Variants in BAZ1B observed in about 807,000 individuals in gnomAD.
The protein encoded by BAZ1B is bromodomain adjacent to zinc finger domain 1B.
In BAZ1B, 22 loss-of-function variants were observed where a neutral mutation model predicts 153.8. That is an observed-to-expected ratio of 0.14 (90% CI 0.10 to 0.20). The LOEUF (loss-of-function observed/expected upper bound fraction) is 0.20, where lower values mean the gene tolerates loss of function less well. Ranked by LOEUF, BAZ1B falls within the 10% of genes least tolerant of loss-of-function variation. The pLI is 1.00. For synonymous variants in BAZ1B, 676 were observed against 633.4 expected, an observed-to-expected ratio of 1.07 and a Z score of -1.01; for missense variants, 1,325 against 1,799.3, an observed-to-expected ratio of 0.74 and a Z score of 4.77.
chr7:73,470,605 T>C (rs530582043), intron 7 of BAZ1B, 122 bp from the exon 8 acceptor site: 1 of 1,159,366 alleles, frequency 8.6e-7, no homozygotes, highest in South Asian at 1.6e-5. Flanking sequence ...TAGTTTGCTT[T>C]CTCTAATTCT....
chr7:73,442,310 G>C lies in BAZ1B; in HGVS notation c.4338C>G (p.Gly1446=). ...LVALLHKHLP[G]HPYVRRKRKK... is the part of the protein sequence containing the mutation. ...TGCGCTTCCTGCGGACATATGGGTG[G>C]CCAGGAAGGTGTTTATGCAACAGAG... The change falls in exon 19 of 20, where the codon GGC becomes GGG. Residue 1446 remains glycine, a synonymous_variant. Transcript: ENST00000339594. 1 of 1,614,162 alleles carries C rather than the reference G, an allele frequency of 6.2e-7. No individual in the cohort carries two copies. The highest frequency in any genetic ancestry group is 8.5e-7 in the Non-Finnish European group (1 of 1,180,044).
At chr7:73,521,126 A>G (rs1414383967) in intron 1 of BAZ1B, among the ~76,000 whole-genome samples, 1 of 152,182 alleles carries the variant, frequency 6.6e-6, no homozygotes, top group Non-Finnish European at 1.5e-5. Flanking sequence ...ATTTTAACAA[A>G]TACCAATCTC....
At chr7:73,487,437 GA>G (rs1250994892) in intron 6 of BAZ1B, among the ~76,000 whole-genome samples, 3 of 152,088 alleles carry the variant, frequency 2.0e-5, no homozygotes, top group African/African-American at 7.2e-5. Flanking sequence ...TCTAAAGTAA[GA>G]AATAAGTGTG....
intron 1 of BAZ1B, among the ~76,000 whole-genome samples, 198 bp downstream of exon 1, chr7:73,521,629 C>T (rs889982389): frequency 2.0e-5 from 3 of 151,570 alleles, no homozygotes; most frequent in Non-Finnish European, 4.4e-5. Context: ...CTTCCAGGGC[C>T]GGTGCGCGCC....
chr7:73,467,562 G>C (rs971745717), intron 9 of BAZ1B, among the ~76,000 whole-genome samples: 1 of 151,968 alleles, frequency 6.6e-6, no homozygotes, highest in Non-Finnish European at 1.5e-5. Flanking sequence ...TAGAGACGGG[G>C]TTTCGCCATG....
intron 13 of BAZ1B, among the ~76,000 whole-genome samples, chr7:73,451,793 A>G (rs1788034288): frequency 6.6e-6 from 1 of 152,250 alleles, no homozygotes; most frequent in Non-Finnish European, 1.5e-5. Context: ...TGAGGTCCAC[A>G]ATCACAGCTG....
intron 7 of BAZ1B, among the ~76,000 whole-genome samples, chr7:73,472,084 T>C (rs984189609): frequency 2.0e-5 from 3 of 152,204 alleles, no homozygotes; most frequent in Non-Finnish European, 4.4e-5. Context: ...TAATATTCTG[T>C]CTCTTGTTTC....
At chr7:73,517,555 C>CA (rs1256640712) in intron 1 of BAZ1B, among the ~76,000 whole-genome samples, 1 of 151,958 alleles carries the variant, frequency 6.6e-6, no homozygotes, top group Non-Finnish European at 1.5e-5. Flanking sequence ...AATGAAAAGG[C>CA]AAAAAGGCCC....
rs782352266 is a variant in BAZ1B at position 73,444,102 on chromosome 7, T to G, written c.3872A>C (p.Lys1291Thr). The G allele has an allele frequency of 6.2e-7, 1 of 1,607,148 alleles. No individual in the cohort carries two copies. The highest frequency in any genetic ancestry group is 1.7e-5 in the Admixed American group (1 of 57,892). The change falls in exon 17 of 20, where the codon AAG (lysine) becomes ACG (threonine). Residue 1291 changes from lysine to threonine, a missense_variant. Coordinates refer to ENST00000339594, the MANE Select transcript of BAZ1B (RefSeq NM_032408.4). ...RLRPRKTIRGKHSVIPPAARS... is the reference protein window; with the variant it reads ...RLRPRKTIRGTHSVIPPAARS... The stretch of plus-strand genomic sequence containing the variant: ...TGCTGCAGGGGGGATGACGCTGTGC[T>G]TGCCCCGGATGGTCTTTCGAGGTCT...
chr7:73,506,964 C>T (rs1282966793), intron 3 of BAZ1B, among the ~76,000 whole-genome samples: 8 of 146,400 alleles, frequency 5.5e-5, no homozygotes, highest in Admixed American at 1.4e-4. Context: ...CTGCAACCTC[C>T]GCCTCCCAGA....
chr7:73,460,944 G>A (rs1386981527), intron 12 of BAZ1B, among the ~76,000 whole-genome samples: 5 of 151,554 alleles, frequency 3.3e-5, no homozygotes, highest in Non-Finnish European at 5.9e-5. Flanking sequence ...AATATAACAA[G>A]ACCTATCTCT....
At chr7:73,444,262 G>T in intron 16 of BAZ1B, 133 bp from the exon 17 acceptor site, 1 of 1,053,954 alleles carries the variant, frequency 9.5e-7, no homozygotes, top group Non-Finnish European at 1.3e-6. Flanking sequence ...TTGGTTTTAA[G>T]GTGCTCTTGC....
chr7:73,469,292 A>G (rs1554571658), intron 9 of BAZ1B, among the ~76,000 whole-genome samples: 2 of 152,184 alleles, frequency 1.3e-5, no homozygotes. Context: ...CCTCATATTC[A>G]AGCTCTTCAT....
intron 7 of BAZ1B, among the ~76,000 whole-genome samples, chr7:73,471,201 G>T (rs1257997774): frequency 6.6e-6 from 1 of 152,172 alleles, no homozygotes; most frequent in African/African-American, 2.4e-5. Flanking sequence ...ACATATTTCA[G>T]TCCTGAGGAA....
intron 13 of BAZ1B, among the ~76,000 whole-genome samples, chr7:73,455,167 G>A (rs1788150919): frequency 2.6e-5 from 4 of 151,968 alleles, no homozygotes; most frequent in Admixed American, 2.0e-4. Context: ...TTACAGGCGT[G>A]AGCCACCGCA....
intron 3 of BAZ1B, among the ~76,000 whole-genome samples, chr7:73,503,304 T>G (rs1364641381): frequency 6.6e-6 from 1 of 152,212 alleles, no homozygotes; most frequent in Non-Finnish European, 1.5e-5. Context: ...TTAGATTTCC[T>G]GCATTATTGA....
At chr7:73,504,263 A>G (rs1444925432) in intron 3 of BAZ1B, among the ~76,000 whole-genome samples, 17 of 152,218 alleles carry the variant, frequency 1.1e-4, no homozygotes, top group Non-Finnish European at 8.8e-5. Context: ...TCATGCCTGT[A>G]ATCTCAGCAT....
chr7:73,479,034 C>T (rs1335486944), intron 6 of BAZ1B, among the ~76,000 whole-genome samples: 1 of 151,982 alleles, frequency 6.6e-6, no homozygotes, highest in Non-Finnish European at 1.5e-5. Flanking sequence ...GGTTCCTATT[C>T]AGGGCATTTT....
chr7:73,519,339 C>T (rs1379039497), intron 1 of BAZ1B, among the ~76,000 whole-genome samples: 1 of 152,170 alleles, frequency 6.6e-6, no homozygotes, highest in Admixed American at 6.6e-5. Flanking sequence ...TACCTAACCA[C>T]ATATTTGTTC....
Sources: gnomAD v4.1 joint callset for allele counts (sites outside exome capture counted in the v4.1 genomes callset) on GRCh38, gnomAD v4.1.1 for gene constraint, MANE v1.5 for transcripts, NCBI Gene and HGNC (gene_info 2026-07-23, HGNC 2026-07-21) for gene names.